Variants in TASOR2 observed in about 807,000 individuals in gnomAD.
TASOR2 encodes protein TASOR 2.
TASOR2 carries 84 observed loss-of-function variants against 199.5 expected under a neutral mutation model. The ratio of observed to expected loss-of-function variants is 0.42; its 90% confidence interval spans 0.35 to 0.50. The LOEUF is 0.50. Ranked by LOEUF, TASOR2 falls within the 20% of genes least tolerant of loss-of-function variation. The pLI, the probability that TASOR2 is intolerant of heterozygous loss-of-function variation, is 0.02. For synonymous variants in TASOR2, 1,103 were observed against 1,046.6 expected (o/e 1.05, Z -1.04); for missense variants, 2,796 against 2,835.9 (o/e 0.99, Z 0.32).
intron 16 of TASOR2, among the ~76,000 whole-genome samples, chr10:5,757,264 A>G (rs577607889): frequency 6.6e-6 from 1 of 152,306 alleles, no homozygotes; most frequent in Non-Finnish European, 1.5e-5. Context: ...CTCTTCCCTC[A>G]TGACGTGTTA....
In TASOR2 at chr10:5,740,577, C is replaced by A; in HGVS notation, c.2327+80C>A. On this transcript the variant is annotated intron_variant, in intron 13 of 20. Transcript: ENST00000328090. The surrounding 1 kb of genome is among the most constrained non-coding windows in gnomAD (Gnocchi z 5.3). ...TGTAGTGAGATGGGGAAACTTATGC[C>A]AAACTCTGGAGAAGGAGAAAGAAGT... is the stretch of plus-strand genomic sequence containing the variant. 1 of 1,418,330 alleles carries A rather than the reference C, an allele frequency of 7.1e-7. No individual in the cohort carries two copies. Among genetic ancestry groups the A allele is most frequent in the Non-Finnish European group, 9.6e-7 (1 of 1,045,788 alleles). The allele number at this position is 1,418,330 out of a possible 1,614,324, so 87.9% of individuals were successfully genotyped here.
rs193127377 is a variant in TASOR2, at chr10:5,759,932, C to A, written c.6992+940C>A. ...CACTTGAGGGGAAAAACGTCAACTT[C>A]GGTAAGTAGAGAAGCACATTTAAGG... On this transcript the variant is annotated intron_variant, in intron 18 of 20. Transcript: ENST00000328090. Among the ~76,000 whole-genome samples the A allele has an allele frequency of 4.6e-5, 7 of 152,288 alleles. No individual in the cohort carries two copies. The East Asian group carries it at 1.4e-3, about 29-fold the overall frequency.
chr10:5,749,694 C>A (rs1167181828), exon 15 of TASOR2: 2 of 1,614,172 alleles, frequency 1.2e-6, no homozygotes, highest in Admixed American at 3.3e-5. Context: ...TTTCATTCCA[C>A]CTCAACAAAC....
rs561221331 is a variant in TASOR2 at position 5,758,739 on chromosome 10, A to G, written c.6887-148A>G. 41 of 623,148 alleles carry G rather than the reference A, an allele frequency of 6.6e-5. 1 individual carries two copies. In the African/African-American group the frequency reaches 7.0e-4, roughly 11 times the overall value. 38.6% of individuals were successfully genotyped at this position (623,148 alleles called of 1,614,324 possible). A position where few individuals can be genotyped will look rare whatever the true frequency, so the allele number is the denominator to read the frequency against. The stretch of plus-strand genomic sequence containing the variant: ...GCTTGTGAGAGCAGGATGCTGCCCA[A>G]CCACATAAGTGACAGTGATGGTGTG... On this transcript the variant is annotated intron_variant, in intron 17 of 20. Coordinates refer to ENST00000328090, the Ensembl canonical transcript of TASOR2.
At chr10:5,721,767 TACA>T (rs1313225900) in intron 6 of TASOR2, among the ~76,000 whole-genome samples, 1 of 152,238 alleles carries the variant, frequency 6.6e-6, no homozygotes, top group East Asian at 1.9e-4. Context: ...TTGCATATCT[TACA>T]ACATTTCCCC....
chr10:5,726,242 A>G (rs1185123187), intron 8 of TASOR2, among the ~76,000 whole-genome samples: 1 of 152,212 alleles, frequency 6.6e-6, no homozygotes, highest in Admixed American at 6.5e-5. Context: ...GCCTGGGGAC[A>G]AAACTGCCCC....
rs777026517 is a variant in TASOR2 at position 5,748,288 on chromosome 10, T to C, written c.4867T>C (p.Leu1623=). ...TCAGAACCATCTCTTTCCCGGTGAT[T>C]TGAAAACAGATGAAGGCATTTATCT... The change falls in exon 15 of 21, where the codon TTG becomes CTG. Residue 1623 remains leucine (L), a synonymous_variant. Coordinates refer to ENST00000328090, the Ensembl canonical transcript of TASOR2. The surrounding 1 kb of genome is among the most constrained non-coding windows in gnomAD (Gnocchi z 5.1). 6 of 1,614,088 alleles carry C rather than the reference T, an allele frequency of 3.7e-6. No individual in the cohort carries two copies. The highest frequency in any genetic ancestry group is 5.1e-6 in the Non-Finnish European group (6 of 1,180,046).
At chr10:5,716,717 C>A (rs542041820) in intron 2 of TASOR2, among the ~76,000 whole-genome samples, 5 of 151,978 alleles carry the variant, frequency 3.3e-5, no homozygotes, top group African/African-American at 1.2e-4. Context: ...GAGTTCCAGA[C>A]CAGCCTGACC....
rs764566803 is a variant in TASOR2, at chr10:5,748,048, G to GA, written c.4632dup (p.Leu1545ThrfsTer12). ...CACAGGTGACTTCAGTCCTTCTCCT[G>GA]AAAAACTGGTAAAATCAGGAAATCC... is the stretch of plus-strand genomic sequence containing the variant. On this transcript the variant is annotated frameshift_variant, in exon 15 of 21. Transcript: ENST00000328090. LOFTEE classifies it high-confidence loss of function. The surrounding 1 kb of genome is among the most constrained non-coding windows in gnomAD (Gnocchi z 5.1). 19 of 1,614,160 alleles carry GA rather than the reference G, an allele frequency of 1.2e-5. No individual in the cohort carries two copies. The highest frequency in any genetic ancestry group is 1.6e-5 in the Non-Finnish European group (19 of 1,180,040).
chr10:5,750,094 T>G lies in TASOR2; in HGVS notation c.6606+67T>G. On this transcript the variant is annotated intron_variant, in intron 15 of 20. Coordinates refer to ENST00000328090, the Ensembl canonical transcript of TASOR2. The surrounding 1 kb of genome is among the most constrained non-coding windows in gnomAD (Gnocchi z 5.4). ...ATTTTAGTTTTAGAAATAATAAATT[T>G]AGCATATTAGCCATCAAAAAGAAAT... The G allele has an allele frequency of 6.8e-7, 1 of 1,461,658 alleles. No homozygotes were observed. The highest frequency in any genetic ancestry group is 9.1e-7 in the Non-Finnish European group (1 of 1,100,254). The allele number at this position is 1,461,658 out of a possible 1,614,324, so 90.5% of individuals were successfully genotyped here.
At chr10:5,746,446 G>C (rs766394622) in exon 15 of TASOR2, 1 of 1,614,036 alleles carries the variant, frequency 6.2e-7, no homozygotes. Context: ...TCTTGATGCA[G>C]CAGTGCAAAC....
At chr10:5,723,559 A>C (rs1314688584) in intron 6 of TASOR2, 118 bp from the exon 8 acceptor site, 1 of 549,426 alleles carries the variant, frequency 1.8e-6, no homozygotes, top group Non-Finnish European at 3.2e-6. Flanking sequence ...GAGCTTATCA[A>C]CTTAAGGTCT....
intron 10 of TASOR2, among the ~76,000 whole-genome samples, chr10:5,729,438 C>T (rs1224373499): frequency 3.9e-5 from 6 of 152,170 alleles, no homozygotes; most frequent in African/African-American, 1.2e-4. Context: ...TGGTGGCTCA[C>T]GCCTGTAATC....
chr10:5,718,044 A>G (rs1372273860), intron 3 of TASOR2, among the ~76,000 whole-genome samples: 3 of 152,214 alleles, frequency 2.0e-5, no homozygotes, highest in Non-Finnish European at 4.4e-5. Context: ...GTAGCTGCTT[A>G]TAAGGTGATG....
intron 1 of TASOR2, chr10:5,712,538 A>AG: frequency 4.1e-6 from 5 of 1,231,516 alleles, no homozygotes; most frequent in Non-Finnish European, 5.1e-6. Flanking sequence ...TTCTTAAATG[A>AG]GGTGAGGTGC....
intron 1 of TASOR2, among the ~76,000 whole-genome samples, chr10:5,692,564 T>C (rs1199600535): frequency 1.3e-5 from 2 of 152,132 alleles, no homozygotes; most frequent in Non-Finnish European, 2.9e-5. Flanking sequence ...CTGCGGGTTC[T>C]GTAGGGTTCC....
At chr10:5,755,311 G>A (rs572010621) in intron 15 of TASOR2, among the ~76,000 whole-genome samples, 5 of 152,028 alleles carry the variant, frequency 3.3e-5, no homozygotes, top group Non-Finnish European at 4.4e-5. Context: ...AGTGGCTCTC[G>A]CCTGTAATCC....
At chr10:5,729,900 G>T (rs1834573315) in intron 10 of TASOR2, among the ~76,000 whole-genome samples, 1 of 114,158 alleles carries the variant, frequency 8.8e-6, no homozygotes, top group Non-Finnish European at 1.9e-5. Flanking sequence ...AGCAGGAGAG[G>T]AGGTGAAACA....
At chr10:5,684,959 T>TCCCTGTCAGCGCCCGCGGCGA (rs1184261175) in exon 1 of TASOR2, 3 of 397,566 alleles carry the variant, frequency 7.5e-6, no homozygotes, top group Non-Finnish European at 8.9e-6. Context: ...GGCCGCGGCG[T>TCCCTGTCAGCGCCCGCGGCGA]CCCTGTCAGC....
Sources: gnomAD v4.1 joint callset for allele counts (sites outside exome capture counted in the v4.1 genomes callset) on GRCh38, gnomAD v4.1.1 for gene constraint, Gnocchi (gnomAD v3.1) non-coding constraint, MANE v1.5 for transcripts, NCBI Gene and HGNC (gene_info 2026-07-23, HGNC 2026-07-21) for gene names.